FGD4: variants seen among roughly 807,000 people sequenced by gnomAD.
The protein encoded by FGD4 is FYVE, RhoGEF and PH domain containing 4.
Under a neutral mutation model 102.0 loss-of-function variants are expected in FGD4, and 42 were observed. The ratio of observed to expected loss-of-function variants is 0.41; its 90% CI spans 0.32 to 0.53. The LOEUF (loss-of-function observed/expected upper bound fraction) is 0.53, where lower values mean the gene tolerates loss of function less well. Among genes scored for constraint, FGD4 ranks in the 20% least tolerant of loss-of-function variants. The pLI is 0.21. For missense variants in FGD4, 902 were observed against 1,078.2 expected, an observed-to-expected ratio of 0.84 and a Z score of 2.29; for synonymous variants, 380 against 375.7, an observed-to-expected ratio of 1.01 and a Z score of -0.13.
At chr12:32,483,623 C>T (rs1943819363) in intron 1 of FGD4, among the ~76,000 whole-genome samples, 1 of 152,146 alleles carries the variant, frequency 6.6e-6, no homozygotes, top group Non-Finnish European at 1.5e-5. Context: ...AGTTTTAGCC[C>T]ATAACTCATT....
chr12:32,520,079 G>A (rs1418202848), intron 1 of FGD4, among the ~76,000 whole-genome samples: 1 of 152,168 alleles, frequency 6.6e-6, no homozygotes, highest in Non-Finnish European at 1.5e-5. Context: ...AAAAACCTTT[G>A]TATAACTGGT....
chr12:32,451,104 A>G (rs1458848487), intron 1 of FGD4, among the ~76,000 whole-genome samples: 1 of 152,204 alleles, frequency 6.6e-6, no homozygotes, highest in Non-Finnish European at 1.5e-5. Context: ...GCAAAGAGCA[A>G]AAGTTCTTAT....
chr12:32,589,679 T>C (rs1947319260), intron 4 of FGD4, among the ~76,000 whole-genome samples: 1 of 152,204 alleles, frequency 6.6e-6, no homozygotes, highest in Non-Finnish European at 1.5e-5. Flanking sequence ...TGTCTGATCT[T>C]GTGCAAGTAA....
chr12:32,619,573 A>C (rs1949672194), intron 10 of FGD4, 125 bp from the exon 11 acceptor site: 1 of 1,083,596 alleles, frequency 9.2e-7, no homozygotes, highest in Non-Finnish European at 1.4e-6. Flanking sequence ...CAGAGCTTAC[A>C]ATGAGCCAAG....
chr12:32,478,043 A>G (rs528424952), intron 1 of FGD4, among the ~76,000 whole-genome samples: 1 of 152,342 alleles, frequency 6.6e-6, no homozygotes, highest in East Asian at 1.9e-4. Flanking sequence ...CTGTTTAGAA[A>G]AAAAATATCA....
intron 1 of FGD4, among the ~76,000 whole-genome samples, chr12:32,476,929 A>G (rs980937610): frequency 2.6e-5 from 4 of 152,202 alleles, no homozygotes; most frequent in African/African-American, 7.2e-5. Context: ...TTTCTTTAAC[A>G]GTACTGAAAA....
intron 1 of FGD4, among the ~76,000 whole-genome samples, chr12:32,523,201 C>T (rs909946603): frequency 2.0e-5 from 3 of 152,156 alleles, no homozygotes; most frequent in Non-Finnish European, 4.4e-5. Flanking sequence ...TAAGCATGAG[C>T]ATACAAGCTG....
chr12:32,443,842 A>G (rs888780262), intron 1 of FGD4, among the ~76,000 whole-genome samples: 10 of 151,554 alleles, frequency 6.6e-5, no homozygotes, highest in Non-Finnish European at 1.5e-4. Context: ...GTATTTTATT[A>G]TGACAATTTT....
chr12:32,500,354 C>T (rs1434083400), intron 1 of FGD4, among the ~76,000 whole-genome samples: 1 of 151,334 alleles, frequency 6.6e-6, no homozygotes, highest in Admixed American at 6.6e-5. Flanking sequence ...AAACATTTCC[C>T]CTTTGCCACA....
At chr12:32,550,984 AAG>A (rs1943622430) in intron 1 of FGD4, among the ~76,000 whole-genome samples, 1 of 152,200 alleles carries the variant, frequency 6.6e-6, no homozygotes. Context: ...TTTGTTGAAT[AAG>A]AGATTCATAC....
chr12:32,585,256 A>ATATATATATATATATATATATATT (rs1946931973), intron 4 of FGD4, among the ~76,000 whole-genome samples: 1 of 132,172 alleles, frequency 7.6e-6, no homozygotes, highest in Admixed American at 7.4e-5. Flanking sequence ...ATATATATAT[A>ATATATATATATATATATATATATT]TGTATATCTT....
At chr12:32,467,976 A>G (rs1943309695) in intron 1 of FGD4, among the ~76,000 whole-genome samples, 1 of 152,128 alleles carries the variant, frequency 6.6e-6, no homozygotes, top group African/African-American at 2.4e-5. Flanking sequence ...AAATCACGCC[A>G]TTGCACTCCA....
chr12:32,493,368 C>T (rs1313156649), intron 1 of FGD4, among the ~76,000 whole-genome samples: 13 of 152,214 alleles, frequency 8.5e-5, no homozygotes. Context: ...GGCTGTCACG[C>T]CACTTTCCTT....
At chr12:32,587,187 CA>C (rs1181469038) in intron 4 of FGD4, among the ~76,000 whole-genome samples, 11,599 of 65,980 alleles carry the variant, frequency 0.18, 295 homozygotes, top group Middle Eastern at 0.25. Flanking sequence ...GAGACTCTCT[CA>C]AAAAAAAAAA....
intron 8 of FGD4, among the ~76,000 whole-genome samples, chr12:32,608,914 TA>T (rs148308342): frequency 0.01 from 1,587 of 152,280 alleles, 30 homozygotes; most frequent in African/African-American, 0.036. Context: ...TTATTGTTGT[TA>T]TTATTACTAT....
chr12:32,618,183 G>A (rs1395393626), intron 10 of FGD4, among the ~76,000 whole-genome samples: 1 of 152,232 alleles, frequency 6.6e-6, no homozygotes, highest in Non-Finnish European at 1.5e-5. Context: ...TTGAGGACAA[G>A]TATCGGATAA....
chr12:32,578,308 G>T (rs1050223939), intron 3 of FGD4, among the ~76,000 whole-genome samples: 2 of 152,140 alleles, frequency 1.3e-5, no homozygotes, highest in Non-Finnish European at 2.9e-5. Context: ...TGTTTGTGTG[G>T]GTTAATACTG....
In FGD4 at chr12:32,610,874, C is replaced by T. The variant is rs776535580; in HGVS notation, c.1602+40C>T. The T allele has an allele frequency of 1.9e-6, 3 of 1,579,750 alleles. No homozygotes were observed. The South Asian group carries it at 3.3e-5, about 17-fold the overall frequency. ...GAGGAGACAGGAACCTCTGATTAGACAATTATCAATAATACTGCCTCAATA... is the reference window on the plus strand; with the variant it reads ...GAGGAGACAGGAACCTCTGATTAGATAATTATCAATAATACTGCCTCAATA... On this transcript the variant is annotated intron_variant, in intron 9 of 16. Coordinates refer to ENST00000534526, the MANE Select transcript of FGD4 (RefSeq NM_001370298.3).
chr12:32,619,406 A>T (rs1592430089), intron 10 of FGD4, among the ~76,000 whole-genome samples: 1 of 152,032 alleles, frequency 6.6e-6, no homozygotes, highest in Non-Finnish European at 1.5e-5. Context: ...AGGCGGGCGG[A>T]TCACGAGGTC....
Sources: allele counts gnomAD v4.1 joint callset (sites outside exome capture counted in the v4.1 genomes callset), GRCh38; gene constraint gnomAD v4.1.1; transcripts MANE v1.5; gene names NCBI Gene and HGNC (gene_info 2026-07-23, HGNC 2026-07-21).